FERRY3: variants seen among roughly 807,000 people sequenced by gnomAD.
FERRY3 encodes the protein protein C12orf4.
At chr12:4,508,241 G>A in the FERRY3 span, among the ~76,000 whole-genome samples, 3 of 152,084 alleles carry the variant, frequency 2.0e-5, no homozygotes, top group Non-Finnish European at 2.9e-5. Flanking sequence ...ATCAAGCAAA[G>A]ATATAATATC....
chr12:4,507,983 A>G, the FERRY3 span, among the ~76,000 whole-genome samples: 8 of 152,330 alleles, frequency 5.3e-5, no homozygotes, highest in Admixed American at 3.9e-4. Context: ...GCTCTTTTGT[A>G]CAGTTTGAAT....
the FERRY3 span, chr12:4,536,348 A>G: frequency 2.1e-6 from 1 of 468,050 alleles, no homozygotes; most frequent in Non-Finnish European, 3.6e-6. Flanking sequence ...GTTTTTCCCA[A>G]GTGTTTATCC....
At chr12:4,495,990 T>C in the FERRY3 span, among the ~76,000 whole-genome samples, 2 of 152,218 alleles carry the variant, frequency 1.3e-5, no homozygotes, top group African/African-American at 4.8e-5. Flanking sequence ...TCATATTCAG[T>C]ATACTTTAAC....
At chr12:4,506,632 CGA>C in the FERRY3 span, among the ~76,000 whole-genome samples, 18 of 152,082 alleles carry the variant, frequency 1.2e-4, no homozygotes, top group African/African-American at 4.1e-4. Flanking sequence ...GTTAAGTAAA[CGA>C]GAGAGAACAG....
chr12:4,525,069 T>A, the FERRY3 span: 2 of 640,348 alleles, frequency 3.1e-6, no homozygotes, highest in Admixed American at 3.3e-5. Flanking sequence ...CCAATAACCA[T>A]TGCCCCCCAA....
chr12:4,487,961 C>T, the FERRY3 span: 1 of 152,288 alleles, frequency 6.6e-6, no homozygotes, highest in South Asian at 2.1e-4. Flanking sequence ...CCAGACTCCT[C>T]AATTACTGCA....
the FERRY3 span, among the ~76,000 whole-genome samples, chr12:4,494,095 A>T: frequency 4.6e-5 from 7 of 152,288 alleles, no homozygotes; most frequent in African/African-American, 1.7e-4. Context: ...TCCGTCTCAA[A>T]AAATAAATAA....
the FERRY3 span, among the ~76,000 whole-genome samples, chr12:4,506,648 A>C: frequency 6.6e-6 from 1 of 152,202 alleles, no homozygotes; most frequent in African/African-American, 2.4e-5. Flanking sequence ...AGAACAGTTC[A>C]TAGTCCATTT....
chr12:4,529,493 T>G, the FERRY3 span, among the ~76,000 whole-genome samples: 2 of 152,164 alleles, frequency 1.3e-5, no homozygotes, highest in Non-Finnish European at 2.9e-5. Context: ...AAGCAAAAAC[T>G]TCTTCATCTG....
the FERRY3 span, chr12:4,534,137 A>C: frequency 6.5e-7 from 1 of 1,536,324 alleles, no homozygotes; most frequent in Non-Finnish European, 8.8e-7. Context: ...TGAAATTTAC[A>C]ATCTGACCTA....
the FERRY3 span, among the ~76,000 whole-genome samples, chr12:4,532,940 TAA>T: frequency 6.6e-6 from 1 of 152,192 alleles, no homozygotes; most frequent in Non-Finnish European, 1.5e-5. Flanking sequence ...CAAAACTCTA[TAA>T]AGTTTATGGT....
At chr12:4,491,154 G>A in the FERRY3 span, 1 of 1,610,084 alleles carries the variant, frequency 6.2e-7, no homozygotes, top group Non-Finnish European at 8.5e-7. Flanking sequence ...GGTGGTGGTT[G>A]TCAGAGAGAA....
At chr12:4,499,241 G>A in the FERRY3 span, among the ~76,000 whole-genome samples, 1 of 152,082 alleles carries the variant, frequency 6.6e-6, no homozygotes, top group Non-Finnish European at 1.5e-5. Context: ...CTTGAACTCT[G>A]GGCTAAAACA....
chr12:4,534,453 G>A, the FERRY3 span: 38 of 851,096 alleles, frequency 4.5e-5, 1 homozygote, highest in South Asian at 6.9e-4. Flanking sequence ...ACACAGGCTG[G>A]AGTGCAGTGG....
At chr12:4,527,289 C>A in the FERRY3 span, among the ~76,000 whole-genome samples, 1 of 152,000 alleles carries the variant, frequency 6.6e-6, no homozygotes, top group Non-Finnish European at 1.5e-5. Context: ...ATTTCATGAA[C>A]ATTTATTTCA....
At chr12:4,517,365 A>G in the FERRY3 span, among the ~76,000 whole-genome samples, 1,790 of 152,208 alleles carry the variant, frequency 0.012, 38 homozygotes, top group African/African-American at 0.04. Context: ...TTTTGTTTTG[A>G]TTAGAGACTT....
the FERRY3 span, chr12:4,529,815 C>T: frequency 7.3e-7 from 1 of 1,376,826 alleles, no homozygotes; most frequent in Admixed American, 2.5e-5. Context: ...TTCTGCAGGC[C>T]ATCTATTTGA....
chr12:4,518,326 T>C, the FERRY3 span: 1 of 1,352,516 alleles, frequency 7.4e-7, no homozygotes, highest in African/African-American at 1.4e-5. Context: ...AAGATGCAAA[T>C]CTCTATGGCA....
At chr12:4,517,684 A>AAAATATATATATAT in the FERRY3 span, among the ~76,000 whole-genome samples, 4 of 140,562 alleles carry the variant, frequency 2.8e-5, no homozygotes, top group African/African-American at 1.1e-4. Context: ...AGGTTATTAA[A>AAAATATATATATAT]ATATATATAT....
Sources: gnomAD v4.1 joint callset for allele counts (sites outside exome capture counted in the v4.1 genomes callset) on GRCh38, gnomAD v4.1.1 for gene constraint, MANE v1.5 for transcripts, NCBI Gene and HGNC (gene_info 2026-07-23, HGNC 2026-07-21) for gene names.